The following RCAN2 variants were observed in gnomAD, a reference collection of about 807,000 sequenced individuals.
RCAN2 encodes calcipressin-2.
In RCAN2, 9 loss-of-function variants were observed where a neutral mutation model predicts 23.6. The ratio of observed to expected loss-of-function variants is 0.38; its 90% CI spans 0.23 to 0.67. The LOEUF (loss-of-function observed/expected upper bound fraction) is 0.67, where lower values mean the gene tolerates loss of function less well. Ranked by LOEUF, RCAN2 falls within the 30% of genes least tolerant of loss-of-function variation. RCAN2 has a pLI of 0.51. For synonymous variants in RCAN2, 109 were observed against 115.7 expected (o/e 0.94, Z 0.37); for missense variants, 273 against 302.3 (o/e 0.90, Z 0.72).
chr6:46,258,245 C>T (rs976741270), intron 2 of RCAN2, among the ~76,000 whole-genome samples: 4 of 152,128 alleles, frequency 2.6e-5, no homozygotes, highest in East Asian at 1.9e-4. Flanking sequence ...ATGTGATGGG[C>T]GTCTCAGGAG....
At chr6:46,272,060 A>C (rs1465688028) in intron 2 of RCAN2, among the ~76,000 whole-genome samples, 1 of 152,224 alleles carries the variant, frequency 6.6e-6, no homozygotes, top group East Asian at 1.9e-4. Flanking sequence ...ATTGTGAAGA[A>C]GTTAAGAACC....
chr6:46,335,014 T>C (rs1424579946), intron 2 of RCAN2, among the ~76,000 whole-genome samples: 1 of 152,178 alleles, frequency 6.6e-6, no homozygotes. Flanking sequence ...AGCATCCCTG[T>C]CTTCTAGGCA....
At chr6:46,475,037 T>C (rs1768675521) in intron 1 of RCAN2, among the ~76,000 whole-genome samples, 1 of 152,264 alleles carries the variant, frequency 6.6e-6, no homozygotes. Context: ...AATTTTTCAA[T>C]TTTTAAGAAA....
intron 2 of RCAN2, among the ~76,000 whole-genome samples, chr6:46,307,680 TAAAC>T (rs1380867135): frequency 1.3e-5 from 2 of 152,074 alleles, no homozygotes; most frequent in Non-Finnish European, 2.9e-5. Context: ...GGAGACATAA[TAAAC>T]AAAATTGATA....
At chr6:46,440,730 A>T (rs1190636856) in intron 2 of RCAN2, among the ~76,000 whole-genome samples, 3 of 152,182 alleles carry the variant, frequency 2.0e-5, no homozygotes, top group Non-Finnish European at 2.9e-5. Flanking sequence ...AGAAAAAGAA[A>T]AACACATAAA....
At chr6:46,243,833 C>CAAAAAAAAA (rs1561823994) in intron 4 of RCAN2, among the ~76,000 whole-genome samples, 1 of 126,304 alleles carries the variant, frequency 7.9e-6, no homozygotes, top group Non-Finnish European at 1.6e-5. Context: ...AAAAAAAAAA[C>CAAAAAAAAA]CAAGAAATAA....
At chr6:46,445,992 A>C (rs757288431) in intron 2 of RCAN2, among the ~76,000 whole-genome samples, 4 of 152,176 alleles carry the variant, frequency 2.6e-5, no homozygotes, top group Non-Finnish European at 4.4e-5. Flanking sequence ...ATAAAGGGCC[A>C]GGAAATTCAG....
chr6:46,256,201 C>A (rs1029325394), intron 2 of RCAN2, among the ~76,000 whole-genome samples: 2 of 151,852 alleles, frequency 1.3e-5, no homozygotes, highest in African/African-American at 4.8e-5. Flanking sequence ...GAAACCCTGT[C>A]TCTACTAAAA....
chr6:46,368,111 T>C (rs1765223662), intron 2 of RCAN2, among the ~76,000 whole-genome samples: 6 of 152,238 alleles, frequency 3.9e-5, no homozygotes, highest in Admixed American at 3.3e-4. Context: ...CTACTCAACT[T>C]TGCCTTTATA....
chr6:46,468,604 T>C (rs973952020), intron 1 of RCAN2, among the ~76,000 whole-genome samples: 17 of 152,232 alleles, frequency 1.1e-4, no homozygotes, highest in African/African-American at 3.6e-4. Context: ...CAAACCCATT[T>C]ATTGACGTTT....
At chr6:46,338,872 G>A (rs1328903628) in intron 2 of RCAN2, among the ~76,000 whole-genome samples, 5 of 151,856 alleles carry the variant, frequency 3.3e-5, no homozygotes, top group Admixed American at 1.3e-4. Context: ...AAAAATAGCC[G>A]GGTATGGTGA....
intron 1 of RCAN2, among the ~76,000 whole-genome samples, chr6:46,469,194 G>A (rs1019430124): frequency 6.6e-6 from 1 of 152,120 alleles, no homozygotes; most frequent in African/African-American, 2.4e-5. Flanking sequence ...CACAGGGCTG[G>A]GCAGTTGTGG....
At chr6:46,434,765 G>GC (rs1259300188) in intron 2 of RCAN2, among the ~76,000 whole-genome samples, 5 of 152,118 alleles carry the variant, frequency 3.3e-5, no homozygotes, top group African/African-American at 1.2e-4. Context: ...AGGTGATTTT[G>GC]CCCCCCAGGG....
intron 2 of RCAN2, among the ~76,000 whole-genome samples, chr6:46,359,429 C>T (rs6924406): frequency 0.026 from 4,004 of 152,274 alleles, 163 homozygotes; most frequent in African/African-American, 0.087. Context: ...TGTCAACATT[C>T]GGCCTAGAGT....
At chr6:46,381,805 T>C (rs756746525) in intron 2 of RCAN2, among the ~76,000 whole-genome samples, 7 of 152,130 alleles carry the variant, frequency 4.6e-5, no homozygotes, top group African/African-American at 2.4e-5. Flanking sequence ...AAGCCCTTTT[T>C]TGGCATTTTA....
intron 1 of RCAN2, 71 bp downstream of exon 1, chr6:46,491,102 C>G (rs1466732670): frequency 2.0e-5 from 3 of 151,102 alleles, no homozygotes; most frequent in South Asian, 2.0e-4. Context: ...CGGCACGACC[C>G]CGGGGCTGCT....
chr6:46,490,633 T>G (rs1290085881), intron 1 of RCAN2, among the ~76,000 whole-genome samples: 1 of 152,132 alleles, frequency 6.6e-6, no homozygotes, highest in Admixed American at 6.5e-5. Context: ...AAGTTATTTT[T>G]AGATGACCCA....
At chr6:46,247,051 C>T in intron 3 of RCAN2, 132 bp from the exon 4 acceptor site, 1 of 680,380 alleles carries the variant, frequency 1.5e-6, no homozygotes, top group Non-Finnish European at 2.4e-6. Context: ...ATAATAATTA[C>T]CACTTACCAC....
intron 2 of RCAN2, among the ~76,000 whole-genome samples, chr6:46,306,184 A>C (rs894480345): frequency 6.6e-6 from 1 of 152,130 alleles, no homozygotes; most frequent in Non-Finnish European, 1.5e-5. Context: ...GTATGGCTCC[A>C]AGACTGGCTT....
Sources: gnomAD v4.1 joint callset for allele counts (sites outside exome capture counted in the v4.1 genomes callset) on GRCh38, gnomAD v4.1.1 for gene constraint, MANE v1.5 for transcripts, NCBI Gene and HGNC (gene_info 2026-07-23, HGNC 2026-07-21) for gene names.